Variants in EXD3 observed in about 807,000 individuals in gnomAD.
EXD3 encodes exonuclease mut-7 homolog.
EXD3 carries 92 observed loss-of-function variants against 98.0 expected under a neutral mutation model. The observed-to-expected ratio is 0.94, with a 90% CI of 0.79 to 1.12. The LOEUF (loss-of-function observed/expected upper bound fraction) is 1.12, where lower values mean the gene tolerates loss of function less well. Among genes scored for constraint, EXD3 ranks in the 50% most tolerant of loss-of-function variants. EXD3 has a pLI of 0.00. For missense variants in EXD3, 1,222 were observed against 1,191.6 expected (o/e 1.03, Z -0.38); for synonymous variants, 569 against 526.0 (o/e 1.08, Z -1.12).
rs62589336 is a variant in EXD3, at chr9:137,405,222, C to T, written c.-47-9818G>A. On this transcript the variant is annotated intron_variant, in intron 1 of 21. Transcript: ENST00000340951. This position sits in a 1 kb window ranked among gnomAD's most constrained non-coding sequence, Gnocchi z 4.1. Reference sequence around the variant, plus strand: ...TGGACCTCCTAACTGCGCTGGGGTCCGGCACAGTGGGCTCTGACCCACAGA... The same window carrying T: ...TGGACCTCCTAACTGCGCTGGGGTCTGGCACAGTGGGCTCTGACCCACAGA... 0.061 allele frequency among the ~76,000 whole-genome samples: 9,233 copies of T among 152,298 alleles called. 393 individuals are homozygous for T. Among genetic ancestry groups the T allele is most frequent in the Non-Finnish European group, 0.097 (6,569 of 67,996 alleles).
intron 1 of EXD3, among the ~76,000 whole-genome samples, chr9:137,413,347 C>T (rs893223192): frequency 6.6e-6 from 1 of 151,914 alleles, no homozygotes; most frequent in African/African-American, 2.4e-5. Flanking sequence ...ACTATAGGCG[C>T]CTGCCACCAC....
rs780838101 is a variant in EXD3, at chr9:137,307,251, T to A, written c.2330A>T (p.Asp777Val). The stretch of plus-strand genomic sequence containing the variant: ...ATAGGTGCAGCCCTCAGGGGCTGCG[T>A]CTGGGGCTGGGCCTGGACAGATAGA... Reference protein sequence around the residue: ...QAVQEPGPAPDAAPEGCTYDR... With the variant: ...QAVQEPGPAPVAAPEGCTYDR... The change falls in exon 22 of 22, where the codon GAC becomes GTC. Residue 777 changes from aspartate (D) to valine (V), a missense_variant. Transcript: ENST00000340951. 1 of 1,540,424 alleles carries A rather than the reference T, an allele frequency of 6.5e-7. No homozygotes were observed. Among genetic ancestry groups the A allele is most frequent in the South Asian group, 1.2e-5 (1 of 81,456 alleles).
chr9:137,325,127 C>T (rs1241784485), intron 17 of EXD3, among the ~76,000 whole-genome samples: 2 of 152,204 alleles, frequency 1.3e-5, no homozygotes, highest in Non-Finnish European at 2.9e-5. Context: ...AGAGACAAGA[C>T]CCAATCCCAT....
Position 137,393,073 on chromosome 9 carries a change from C to T in EXD3, c.55+2230G>A, listed in dbSNP as rs1457860685. ...GTGCTGAGGCTGTTCCAGGGGGCAC[C>T]GAGGCTGTTCTCGGTGGGGGTGCCG... On this transcript the variant is annotated intron_variant, in intron 2 of 21. Transcript: ENST00000340951. The surrounding 1 kb of genome is among the most constrained non-coding windows in gnomAD (Gnocchi z 4.6). The T allele has an allele frequency of 6.6e-5, 43 of 647,958 alleles. No homozygotes were observed. Among genetic ancestry groups the T allele is most frequent in the Non-Finnish European group, 1.1e-4 (40 of 364,022 alleles). The allele number at this position is 647,958 out of a possible 1,614,324, so 40.1% of individuals were successfully genotyped here. A position where few individuals can be genotyped will look rare whatever the true frequency, so the allele number is the denominator to read the frequency against.
rs767684381 is a variant in EXD3 at position 137,351,444 on chromosome 9, C to T, written c.1258G>A (p.Ala420Thr). The T allele has an allele frequency of 7.5e-6, 12 of 1,604,818 alleles. No homozygotes were observed. The highest frequency in any genetic ancestry group is 1.1e-5 in the South Asian group (1 of 89,636). The change falls in exon 13 of 22, where the codon GCC becomes ACC. Residue 420 changes from alanine to threonine, a missense_variant. Transcript: ENST00000340951. ...GRPRPSLLQV[A>T]VEGHVFLLDV... The stretch of plus-strand genomic sequence containing the variant: ...AGAAGGAACACGTGGCCCTCCACGG[C>T]CACCTGCAGGAGTGACGGCCGAGGC...
chr9:137,402,804 T>C (rs114307946), intron 1 of EXD3, among the ~76,000 whole-genome samples: 2,607 of 152,260 alleles, frequency 0.017, 84 homozygotes, highest in African/African-American at 0.056. Flanking sequence ...ACAAGTTTAA[T>C]TGGACTCACA....
At position 137,332,266 on chromosome 9, in the gene EXD3, C is replaced by T. The variant is rs539538589; in HGVS notation, c.1999-8123G>A. ...AAAATCTGTATGAACCAAAAAAGAG[C>T]CTGAATAGCCAAAGCAGTCCTAAGG... On this transcript the variant is annotated intron_variant, in intron 17 of 21. Coordinates refer to ENST00000340951, the MANE Select transcript of EXD3 (RefSeq NM_017820.5). Among the ~76,000 whole-genome samples the T allele has an allele frequency of 1.2e-4, 19 of 152,274 alleles. No individual in the cohort carries two copies. The South Asian group carries it at 3.7e-3, about 30-fold the overall frequency.
intron 17 of EXD3, chr9:137,345,671 A>AAAAG (rs1554807527): frequency 1.4e-4 from 21 of 151,148 alleles, no homozygotes; most frequent in African/African-American, 4.9e-4. Flanking sequence ...CAAAAAAAAA[A>AAAAG]AAAAGGAAAG....
intron 17 of EXD3, among the ~76,000 whole-genome samples, chr9:137,327,661 A>T (rs1168934392): frequency 7.6e-6 from 1 of 131,200 alleles, no homozygotes; most frequent in African/African-American, 2.8e-5. Flanking sequence ...AAAAACAACC[A>T]ATATATACCT....
At position 137,405,145 on chromosome 9, in the gene EXD3, G is replaced by A. The variant is rs969581283; in HGVS notation, c.-47-9741C>T. ...CCAAATTCCCAGGGCCTCTGCCAGC[G>A]GGTGTCCAAAGACCCTACTTGGGAG... On this transcript the variant is annotated intron_variant, in intron 1 of 21. Transcript: ENST00000340951. The surrounding 1 kb of genome is among the most constrained non-coding windows in gnomAD (Gnocchi z 4.1). 8.5e-5 allele frequency among the ~76,000 whole-genome samples: 13 copies of A among 152,174 alleles called. No individual in the cohort carries two copies. Among genetic ancestry groups the A allele is most frequent in the African/African-American group, 2.9e-4 (12 of 41,436 alleles).
intron 1 of EXD3, among the ~76,000 whole-genome samples, chr9:137,409,057 A>G (rs979803020): frequency 3.9e-5 from 6 of 152,208 alleles, no homozygotes; most frequent in Non-Finnish European, 8.8e-5. Context: ...GAATTCCATC[A>G]CCATGCTGCG....
chr9:137,308,847 ACCACCATT>A (rs1831206084), intron 20 of EXD3, among the ~76,000 whole-genome samples: 3 of 152,020 alleles, frequency 2.0e-5, no homozygotes, highest in Non-Finnish European at 2.9e-5. Flanking sequence ...CATGTTAGCC[ACCACCATT>A]GAGATGGTCT....
Position 137,351,411 on chromosome 9 carries a change from G to A in EXD3, c.1291C>T (p.Leu431=). 2 of 1,609,704 alleles carry A rather than the reference G, an allele frequency of 1.2e-6. No homozygotes were observed. The highest frequency in any genetic ancestry group is 1.3e-5 in the African/African-American group (1 of 75,006). The part of the protein sequence containing the change: ...VEGHVFLLDV[L]ALSQPPTGQG... ...CCTGTTGGTGGCTGCGAGAGTGCCA[G>A]GACGTCCAGAAGGAACACGTGGCCC... Residue 431 remains leucine, a synonymous_variant, in exon 13 of 22, where the codon CTG becomes TTG. Coordinates refer to ENST00000340951, the MANE Select transcript of EXD3 (RefSeq NM_017820.5).
intron 19 of EXD3, among the ~76,000 whole-genome samples, chr9:137,319,856 G>A (rs1032710155): frequency 6.6e-6 from 1 of 152,198 alleles, no homozygotes; most frequent in African/African-American, 2.4e-5. Context: ...GCACATGGGG[G>A]GCCCTCTCCC....
Position 137,395,618 on chromosome 9 carries a change from C to A in EXD3, c.-47-214G>T, listed in dbSNP as rs1327635235. Among the ~76,000 whole-genome samples the A allele has an allele frequency of 1.3e-5, 2 of 152,038 alleles. No homozygotes were observed. The highest frequency in any genetic ancestry group is 3.9e-4 in the East Asian group (2 of 5,174). ...TTGGACCCTGCATTCCAGTTCCCTG[C>A]CAAACCGTCCCAGCTTTCAGCAGGG... On this transcript the variant is annotated intron_variant, in intron 1 of 21. Transcript: ENST00000340951. This position sits in a 1 kb window ranked among gnomAD's most constrained non-coding sequence, Gnocchi z 6.5.
chr9:137,336,380 G>A (rs1833352276), intron 17 of EXD3, among the ~76,000 whole-genome samples: 1 of 152,116 alleles, frequency 6.6e-6, no homozygotes, highest in Non-Finnish European at 1.5e-5. Flanking sequence ...ACATTTCTCG[G>A]CCATGTGTGG....
intron 1 of EXD3, among the ~76,000 whole-genome samples, chr9:137,416,560 C>T (rs970722100): frequency 1.3e-5 from 2 of 152,068 alleles, no homozygotes; most frequent in Non-Finnish European, 2.9e-5. Flanking sequence ...TCCGGACCCT[C>T]GTCAGCCCGG....
At chr9:137,411,798 A>G (rs1196082548) in intron 1 of EXD3, among the ~76,000 whole-genome samples, 2 of 151,550 alleles carry the variant, frequency 1.3e-5, no homozygotes, top group African/African-American at 4.8e-5. Flanking sequence ...GCGGTGCACA[A>G]TGGTGTTTTC....
At chr9:137,310,683 C>T (rs148584967) in intron 19 of EXD3, among the ~76,000 whole-genome samples, 189 of 152,286 alleles carry the variant, frequency 1.2e-3, no homozygotes, top group African/African-American at 4.2e-3. Flanking sequence ...GACAAAGAGA[C>T]GGGTCAGATA....
Sources: allele counts gnomAD v4.1 joint callset (sites outside exome capture counted in the v4.1 genomes callset), GRCh38; gene constraint gnomAD v4.1.1; non-coding constraint Gnocchi (gnomAD v3.1); transcripts MANE v1.5; gene names NCBI Gene and HGNC (gene_info 2026-07-23, HGNC 2026-07-21).